The following ASIC2 variants were observed in gnomAD, a reference collection of about 807,000 sequenced individuals.
The protein encoded by ASIC2 is acid sensing ion channel subunit 2.
ASIC2 carries 25 observed loss-of-function variants against 57.3 expected under a neutral mutation model. That is an observed-to-expected ratio of 0.44 (90% confidence interval 0.32 to 0.61). ASIC2 has a LOEUF of 0.61. Ranked by LOEUF, ASIC2 falls within the 20% of genes least tolerant of loss-of-function variation. The probability of loss-of-function intolerance (pLI) is 0.06; values close to 1 mark genes in which losing one functional copy is unlikely to be tolerated. For missense variants in ASIC2, 641 were observed against 738.1 expected (o/e 0.87, Z 1.52); for synonymous variants, 319 against 307.5 (o/e 1.04, Z -0.39).
At chr17:33,644,473 T>G (rs759804780) in intron 1 of ASIC2, among the ~76,000 whole-genome samples, 9 of 152,244 alleles carry the variant, frequency 5.9e-5, no homozygotes, top group Non-Finnish European at 1.0e-4. Flanking sequence ...TTAGCATTTC[T>G]TCAATAGTTT....
At chr17:33,845,594 G>A (rs1913557611) in intron 1 of ASIC2, among the ~76,000 whole-genome samples, 1 of 151,990 alleles carries the variant, frequency 6.6e-6, no homozygotes, top group Admixed American at 6.6e-5. Flanking sequence ...TTGAGAAATG[G>A]CGATAATGGA....
chr17:33,365,041 C>T lies in ASIC2; in HGVS notation c.556-252974G>A, dbSNP rs372177232. Among the ~76,000 whole-genome samples, 271 of 152,312 alleles carry T rather than the reference C, an allele frequency of 1.8e-3. 3 individuals are homozygous for T. The highest frequency in any genetic ancestry group is 6.0e-3 in the African/African-American group (250 of 41,560). ...CAAGCTCTTTAGCACGGATATGAGG[C>T]CTTTCCTGAACACAGCATTATGCCA... On this transcript the variant is annotated intron_variant, in intron 1 of 9. Transcript: ENST00000359872.
chr17:33,859,953 G>T (rs1914062544), intron 1 of ASIC2, among the ~76,000 whole-genome samples: 1 of 152,090 alleles, frequency 6.6e-6, no homozygotes, highest in Non-Finnish European at 1.5e-5. Context: ...CAAAGTGCTG[G>T]GATTACAGGC....
At chr17:33,654,074 C>T (rs1429176180) in intron 1 of ASIC2, among the ~76,000 whole-genome samples, 1 of 152,188 alleles carries the variant, frequency 6.6e-6, no homozygotes, top group African/African-American at 2.4e-5. Flanking sequence ...CAGTGAACCT[C>T]ATTTTTCTCA....
chr17:33,325,072 C>A lies in ASIC2; in HGVS notation c.556-213005G>T, dbSNP rs765453986. Among the ~76,000 whole-genome samples the A allele has an allele frequency of 4.6e-5, 7 of 152,136 alleles. No homozygotes were observed. The East Asian group carries it at 1.3e-3, about 29-fold the overall frequency. On this transcript the variant is annotated intron_variant, in intron 1 of 9. Coordinates refer to the ASIC2 transcript ENST00000359872. ...CTGACATGCTTTCCATCATCAGGCA[C>A]GTATCTATTGAGTACCTATTAGGGT... is the stretch of plus-strand genomic sequence containing the variant.
rs985962371 is a variant in ASIC2, at chr17:33,268,245, T to A, written c.708+23163A>T. ...TCTTTCCAATATAATCCCTTTTGCT[T>A]ATTTTAGCCAAGATCAGCTTCTATT... On this transcript the variant is annotated intron_variant, in intron 1 of 9. Coordinates refer to ENST00000225823, the MANE Select transcript of ASIC2 (RefSeq NM_183377.2). 4.6e-5 allele frequency among the ~76,000 whole-genome samples: 7 copies of A among 152,174 alleles called. 1 individual carries two copies. The highest frequency in any genetic ancestry group is 1.7e-4 in the African/African-American group (7 of 41,438).
chr17:33,546,608 C>T (rs1915586162), intron 1 of ASIC2, among the ~76,000 whole-genome samples: 1 of 152,118 alleles, frequency 6.6e-6, no homozygotes, highest in African/African-American at 2.4e-5. Context: ...TGTGAGCCCT[C>T]CAGACACCTT....
chr17:33,675,134 T>C (rs1907777575), intron 1 of ASIC2, among the ~76,000 whole-genome samples: 2 of 152,186 alleles, frequency 1.3e-5, no homozygotes, highest in Admixed American at 1.3e-4. Flanking sequence ...ACATAGCAAG[T>C]TACCACTCAA....
chr17:33,424,763 T>C (rs1000749189), intron 1 of ASIC2, among the ~76,000 whole-genome samples: 1 of 152,152 alleles, frequency 6.6e-6, no homozygotes, highest in Non-Finnish European at 1.5e-5. Context: ...TACTAGCCCT[T>C]CTACCTCTAG....
chr17:33,697,065 T>C lies in ASIC2; in HGVS notation c.555+458913A>G, dbSNP rs781442915. ...GATCTGGTCATTTAAAAGTGTGTGG[T>C]TCCTCCCTCCCTCCCTACTCCTACT... On this transcript the variant is annotated intron_variant, in intron 1 of 9. Coordinates refer to the ASIC2 transcript ENST00000359872. Among the ~76,000 whole-genome samples the C allele has an allele frequency of 2.8e-4, 43 of 152,134 alleles. 1 individual carries two copies. The highest frequency in any genetic ancestry group is 2.6e-4 in the Admixed American group (4 of 15,276).
At chr17:34,143,636 C>CT (rs1452339233) in intron 1 of ASIC2, among the ~76,000 whole-genome samples, 1 of 152,168 alleles carries the variant, frequency 6.6e-6, no homozygotes, top group Non-Finnish European at 1.5e-5. Context: ...GGTTTCTGGG[C>CT]TGATGTCATG....
chr17:33,654,998 T>G (rs1907033224), intron 1 of ASIC2, among the ~76,000 whole-genome samples: 1 of 152,190 alleles, frequency 6.6e-6, no homozygotes, highest in Admixed American at 6.5e-5. Flanking sequence ...GAAGACCTCC[T>G]AAGTCTTGAA....
At chr17:33,737,627 G>A (rs539681390) in intron 1 of ASIC2, among the ~76,000 whole-genome samples, 1 of 152,224 alleles carries the variant, frequency 6.6e-6, no homozygotes, top group Non-Finnish European at 1.5e-5. Flanking sequence ...ATTGGGTTGT[G>A]AGGATTAAGA....
At chr17:33,710,664 T>G (rs1909001634) in intron 1 of ASIC2, among the ~76,000 whole-genome samples, 1 of 152,224 alleles carries the variant, frequency 6.6e-6, no homozygotes, top group South Asian at 2.1e-4. Context: ...GAAGAGGCCC[T>G]TAAAGATTAT....
chr17:33,212,232 G>A (rs748656964), intron 1 of ASIC2, among the ~76,000 whole-genome samples: 4 of 152,176 alleles, frequency 2.6e-5, no homozygotes, highest in Non-Finnish European at 5.9e-5. Context: ...ATTAAGGTAA[G>A]CTCCTTGAGA....
intron 1 of ASIC2, among the ~76,000 whole-genome samples, chr17:33,930,758 G>A (rs556619761): frequency 6.6e-6 from 1 of 152,334 alleles, no homozygotes; most frequent in African/African-American, 2.4e-5. Context: ...GGGTACAGGA[G>A]CCATGTGTGA....
chr17:33,451,159 G>A (rs1912234298), intron 1 of ASIC2, among the ~76,000 whole-genome samples: 1 of 151,694 alleles, frequency 6.6e-6, no homozygotes, highest in African/African-American at 2.4e-5. Flanking sequence ...TGAGATCATG[G>A]GATTCTCCTG....
chr17:33,140,948 C>T, intron 1 of ASIC2, among the ~76,000 whole-genome samples: 1 of 152,256 alleles, frequency 6.6e-6, no homozygotes, highest in East Asian at 1.9e-4. Context: ...AGCATGAGCA[C>T]AGCCTTTGCC....
At chr17:34,123,457 G>A (rs1378163288) in intron 1 of ASIC2, among the ~76,000 whole-genome samples, 1 of 152,200 alleles carries the variant, frequency 6.6e-6, no homozygotes, top group Non-Finnish European at 1.5e-5. Context: ...ATGGCAGCCA[G>A]CTCCTGGCAG....
Sources: allele counts gnomAD v4.1 joint callset (sites outside exome capture counted in the v4.1 genomes callset), GRCh38; gene constraint gnomAD v4.1.1; transcripts MANE v1.5; gene names NCBI Gene and HGNC (gene_info 2026-07-23, HGNC 2026-07-21).